The following DLAT variants were observed in gnomAD, a reference collection of about 807,000 sequenced individuals.
The protein encoded by DLAT is dihydrolipoamide S-acetyltransferase, also known as dihydrolipoyllysine-residue acetyltransferase component of pyruvate dehydrogenase complex, mitochondrial.
Under a neutral mutation model 68.0 loss-of-function variants are expected in DLAT, and 43 were observed. The observed-to-expected ratio is 0.63, with a 90% confidence interval of 0.50 to 0.81. The LOEUF (loss-of-function observed/expected upper bound fraction) is 0.81. DLAT is among the 40% of genes least tolerant of loss of function. DLAT has a pLI of 0.00. For missense variants in DLAT, 745 were observed against 815.4 expected (o/e 0.91, Z 1.05); for synonymous variants, 265 against 288.6 (o/e 0.92, Z 0.83).
intron 11 of DLAT, among the ~76,000 whole-genome samples, chr11:112,055,847 A>C (rs1453359159): frequency 9.9e-4 from 49 of 49,682 alleles, no homozygotes; most frequent in African/African-American, 3.1e-3. Context: ...GCATATAGAC[A>C]CTTTTTTTTT....
At chr11:112,055,861 T>TAC (rs1864015489) in intron 11 of DLAT, among the ~76,000 whole-genome samples, 1 of 92,302 alleles carries the variant, frequency 1.1e-5, no homozygotes. Flanking sequence ...TTTTTTTTTT[T>TAC]TTTTTTTTTT....
chr11:112,025,852 TCC>T, intron 1 of DLAT, 101 bp downstream of exon 1: 1 of 1,439,912 alleles, frequency 6.9e-7, no homozygotes, highest in Non-Finnish European at 9.4e-7. Flanking sequence ...CTCCACCCAT[TCC>T]CAGTATCTGC....
rs1555181995 is a variant in DLAT at position 112,051,379 on chromosome 11, A to G, written c.1514+30A>G. 3 of 1,473,572 alleles carry G rather than the reference A, an allele frequency of 2.0e-6. No homozygotes were observed. Among genetic ancestry groups the G allele is most frequent in the African/African-American group, 2.8e-5 (2 of 72,296 alleles). 91.3% of individuals were successfully genotyped at this position (1,473,572 alleles called of 1,614,324 possible). A position where few individuals can be genotyped will look rare whatever the true frequency, so the allele number is the denominator to read the frequency against. On this transcript the variant is annotated intron_variant, in intron 11 of 13. Coordinates refer to ENST00000280346, the MANE Select transcript of DLAT (RefSeq NM_001931.5). This position sits in a 1 kb window ranked among gnomAD's most constrained non-coding sequence, Gnocchi z 4.3. ...GTATAACTGGGGAAGATATATATCC[A>G]TCGGTAGTTTTCTTGTATTATTTAA...
intron 4 of DLAT, among the ~76,000 whole-genome samples, chr11:112,031,902 T>G (rs1325253913): frequency 1.5e-5 from 2 of 129,754 alleles, no homozygotes; most frequent in African/African-American, 5.8e-5. Flanking sequence ...TTTTTTTTTT[T>G]TTTTTTTTTT....
At position 112,055,235 on chromosome 11, in the gene DLAT, A is replaced by ATTT. The variant is rs66865041; in HGVS notation, c.1514+3910_1514+3912dup. ...GTCTTCCGTAATTCAGTCAAGGCCT[A>ATTT]TTTTTTTTTTTTTTTTTTTTTTTTT... On this transcript the variant is annotated intron_variant, in intron 11 of 13. Coordinates refer to ENST00000280346, the MANE Select transcript of DLAT (RefSeq NM_001931.5). Among the ~76,000 whole-genome samples the ATTT allele has an allele frequency of 1.3e-3, 95 of 75,460 alleles. 8 individuals are homozygous for ATTT. Among genetic ancestry groups the ATTT allele is most frequent in the Non-Finnish European group, 1.6e-3 (64 of 40,660 alleles). The allele number at this position is 75,460 out of a possible 152,430, so 49.5% of individuals were successfully genotyped here.
intron 11 of DLAT, among the ~76,000 whole-genome samples, chr11:112,056,439 A>G (rs1174224915): frequency 6.6e-6 from 1 of 152,186 alleles, no homozygotes; most frequent in Non-Finnish European, 1.5e-5. Context: ...GAGTCATAAA[A>G]TATGTGGTCT....
chr11:112,058,624 G>GGT (rs1555182842), intron 11 of DLAT, among the ~76,000 whole-genome samples: 1 of 68,814 alleles, frequency 1.5e-5, no homozygotes, highest in East Asian at 8.7e-4. Flanking sequence ...GAAGGGGGGG[G>GGT]TGGGGGGGGG....
chr11:112,033,025 T>C (rs1237116090), intron 4 of DLAT, among the ~76,000 whole-genome samples: 4 of 152,084 alleles, frequency 2.6e-5, no homozygotes, highest in African/African-American at 9.7e-5. Context: ...GATTGCGCCA[T>C]TGCTCTCCAG....
intron 5 of DLAT, among the ~76,000 whole-genome samples, chr11:112,034,763 T>C (rs1862604630): frequency 6.6e-6 from 1 of 151,128 alleles, no homozygotes; most frequent in Non-Finnish European, 1.5e-5. Flanking sequence ...TTCTTCTCTC[T>C]GCACCCCCGC....
In DLAT at chr11:112,025,509, G is replaced by C; in HGVS notation, c.37G>C (p.Ala13Pro). The change falls in exon 1 of 14, where the codon GCC becomes CCC. Residue 13 changes from alanine to proline, a missense_variant. By Grantham distance (27) the Ala-to-Pro change is conservative. Transcript: ENST00000280346. ...CTGTGCGCGACGGGCTCAGAATGTA[G>C]CCCCATGGGCGGGACTCGAGGCTCG... ...RVCARRAQNV[A>P]PWAGLEARWT... is the part of the protein sequence containing the mutation. 6.2e-7 allele frequency: 1 copy of C among 1,613,936 alleles called. No individual in the cohort carries two copies. Among genetic ancestry groups the C allele is most frequent in the East Asian group, 2.2e-5 (1 of 44,870 alleles).
At chr11:112,045,687 CAA>C (rs782116849) in intron 9 of DLAT, among the ~76,000 whole-genome samples, 174 bp from the exon 10 acceptor site, 9 of 115,614 alleles carry the variant, frequency 7.8e-5, no homozygotes, top group Admixed American at 9.0e-5. Flanking sequence ...GACTCCATCT[CAA>C]AAAAAAAAAA....
chr11:112,031,477 C>T (rs1051943439), intron 4 of DLAT, among the ~76,000 whole-genome samples: 1 of 151,472 alleles, frequency 6.6e-6, no homozygotes, highest in Non-Finnish European at 1.5e-5. Flanking sequence ...AGTGCAGTGG[C>T]ATGATTTCGG....
chr11:112,025,679 G>T lies in DLAT; in HGVS notation c.207G>T (p.Pro69=). 6.2e-7 allele frequency: 1 copy of T among 1,613,082 alleles called. No homozygotes were observed. The highest frequency in any genetic ancestry group is 1.1e-5 in the South Asian group (1 of 91,070). The part of the protein sequence containing the change: ...CGWTPSSGAT[P]RNRLLLQLLG... ...GGACCCCCAGTTCTGGGGCCACGCC[G>T]CGGAACCGCTTACTGCTGCAGCTTT... The change falls in exon 1 of 14, where the codon CCG becomes CCT. Residue 69 remains proline, a synonymous_variant. Transcript: ENST00000280346.
In DLAT at chr11:112,045,918, C is replaced by G. The variant is rs782623829; in HGVS notation, c.1346C>G (p.Ser449Cys). 9 of 1,612,450 alleles carry G rather than the reference C, an allele frequency of 5.6e-6. No homozygotes were observed. The highest frequency in any genetic ancestry group is 4.2e-6 in the Non-Finnish European group (5 of 1,178,638). Residue 449 changes from serine to cysteine, a missense_variant, in exon 10 of 14, where the codon TCT (serine) becomes TGT (cysteine). By Grantham distance (112) the Ser-to-Cys change is moderately radical. Coordinates refer to ENST00000280346, the MANE Select transcript of DLAT (RefSeq NM_001931.5). ...SKQTIPHYYL[S>C]IDVNMGEVLL... The stretch of plus-strand genomic sequence containing the variant: ...CAAACCATACCTCATTATTACCTTT[C>G]TATCGATGTAAATATGGGAGAAGTT...
At chr11:112,031,624 G>C (rs1215587955) in intron 4 of DLAT, among the ~76,000 whole-genome samples, 1 of 151,978 alleles carries the variant, frequency 6.6e-6, no homozygotes, top group Non-Finnish European at 1.5e-5. Flanking sequence ...ACCTAGGCTG[G>C]AGTGCAGTGG....
chr11:112,028,574 G>A lies in DLAT; in HGVS notation c.441G>A (p.Lys147=). ...FESLEECYMA[K]ILVAEGTRDV... The stretch of plus-strand genomic sequence containing the variant: ...GCCTGGAGGAGTGTTATATGGCAAA[G>A]ATACTTGTTGCTGAAGGTACCAGGG... The change falls in exon 3 of 14, where the codon AAG becomes AAA. Residue 147 remains lysine (K), a synonymous_variant. Transcript: ENST00000280346. 1 of 1,614,130 alleles carries A rather than the reference G, an allele frequency of 6.2e-7. No individual in the cohort carries two copies. The highest frequency in any genetic ancestry group is 2.2e-5 in the East Asian group (1 of 44,874).
At chr11:112,036,206 T>TTTG (rs1862760147) in intron 5 of DLAT, among the ~76,000 whole-genome samples, 5 of 44,560 alleles carry the variant, frequency 1.1e-4, no homozygotes, top group Non-Finnish European at 2.4e-4. Context: ...TGTGTGTTTT[T>TTTG]TTTTTTTTTT....
intron 6 of DLAT, 121 bp from the exon 7 acceptor site, chr11:112,039,123 A>AT: frequency 1.0e-6 from 1 of 979,102 alleles, no homozygotes; most frequent in Non-Finnish European, 1.4e-6. Context: ...CTTTGGAAAA[A>AT]TGAAAGTTAT....
Position 112,028,797 on chromosome 11 carries a change from A to G in DLAT, c.512A>G (p.Glu171Gly). 2 of 1,614,116 alleles carry G rather than the reference A, an allele frequency of 1.2e-6. No individual in the cohort carries two copies. Among genetic ancestry groups the G allele is most frequent in the Middle Eastern group, 1.6e-4 (1 of 6,062 alleles). ...GCATTCTTTCTCTTCCTTAGGCCTG[A>G]GGATATTGAGGCCTTTAAAAATTAT... The part of the protein sequence containing the change: ...AIICITVGKP[E>G]DIEAFKNYTL... Residue 171 changes from glutamate to glycine, a missense_variant, in exon 4 of 14, where the codon GAG becomes GGG. Physicochemically the swap from Glu to Gly is moderately conservative, Grantham distance 98. Transcript: ENST00000280346.
Sources: allele counts gnomAD v4.1 joint callset (sites outside exome capture counted in the v4.1 genomes callset), GRCh38; gene constraint gnomAD v4.1.1; non-coding constraint Gnocchi (gnomAD v3.1); transcripts MANE v1.5; gene names NCBI Gene and HGNC (gene_info 2026-07-23, HGNC 2026-07-21).